Variants in LRRC53 observed in about 807,000 individuals in gnomAD.
The protein encoded by LRRC53 is leucine rich repeat containing 53.
Under a neutral mutation model 13.6 loss-of-function variants are expected in LRRC53, and 25 were observed. The ratio of observed to expected loss-of-function variants is 1.83; its 90% CI spans 1.34 to 2.56. The LOEUF (loss-of-function observed/expected upper bound fraction) is 2.56, where lower values mean the gene tolerates loss of function less well. Among genes scored for constraint, LRRC53 ranks in the 30% most tolerant of loss-of-function variants. The probability of loss-of-function intolerance (pLI) is 0.00; values close to 1 mark genes in which losing one functional copy is unlikely to be tolerated. For missense variants in LRRC53, 527 were observed against 275.8 expected, an observed-to-expected ratio of 1.91 and a Z score of -6.45; for synonymous variants, 204 against 109.8, an observed-to-expected ratio of 1.86 and a Z score of -5.37.
At chr1:74,492,902 G>C (rs570395432) in intron 1 of LRRC53, among the ~76,000 whole-genome samples, 1 of 152,310 alleles carries the variant, frequency 6.6e-6, no homozygotes, top group South Asian at 2.1e-4. Flanking sequence ...CAGCATGGTT[G>C]AGGTTCTGGT....
At position 74,480,674 on chromosome 1, in the gene LRRC53, C is replaced by A. The variant is rs866742622; in HGVS notation, c.383G>T (p.Arg128Leu). The change falls in exon 3 of 5, where the codon CGA (arginine) becomes CTA (leucine). Residue 128 changes from arginine to leucine, a missense_variant. Transcript: ENST00000294635. ...GAGCCGGGTCAGGCCGCTTGTGTTT[C>A]GGAACCAAGACCCTCGTAGGGTGCG... is the stretch of plus-strand genomic sequence containing the variant. Reference protein sequence around the residue: ...ALRTLRGSWFRNTSGLTRLQL... With the variant: ...ALRTLRGSWFLNTSGLTRLQL... 1 of 717,312 alleles carries A rather than the reference C, an allele frequency of 1.4e-6. No individual in the cohort carries two copies. The highest frequency in any genetic ancestry group is 2.6e-6 in the Non-Finnish European group (1 of 385,086). The allele number at this position is 717,312 out of a possible 1,614,324, so 44.4% of individuals were successfully genotyped here.
At chr1:74,487,498 G>A (rs186895342) in intron 1 of LRRC53, among the ~76,000 whole-genome samples, 1 of 152,168 alleles carries the variant, frequency 6.6e-6, no homozygotes, top group Admixed American at 6.5e-5. Flanking sequence ...GTGAGACCAG[G>A]CAGAATGGAT....
At chr1:74,524,665 A>ATAG in the LRRC53 span, among the ~76,000 whole-genome samples, 3 of 50,206 alleles carry the variant, frequency 6.0e-5, no homozygotes, top group Admixed American at 8.8e-4. Context: ...TTCTGGAGAT[A>ATAG]CAGCAGCAAA....
chr1:74,492,226 T>C (rs1669116735), intron 1 of LRRC53: 1 of 1,612,510 alleles, frequency 6.2e-7, no homozygotes, highest in East Asian at 2.2e-5. Flanking sequence ...CGAATTGGAA[T>C]ATGCTCTAAA....
chr1:74,480,690 G>A lies in LRRC53; in HGVS notation c.367C>T (p.Arg123Ter), dbSNP rs757727658. ...CTTGTGTTTCGGAACCAAGACCCTC[G>A]TAGGGTGCGGAGAGCATTATTGCTC... ...VLSNNALRTLRGSWFRNTSGL... is the reference protein window; with the variant it reads ...VLSNNALRTL Residue 123 changes from arginine (R) to a stop codon, truncating the protein, a stop_gained, in exon 3 of 5, where the codon CGA becomes TGA. Coordinates refer to ENST00000294635, the MANE Select transcript of LRRC53 (RefSeq NM_001382280.1). LOFTEE classifies it high-confidence loss of function. The A allele has an allele frequency of 1.2e-4, 85 of 717,222 alleles. 1 individual carries two copies. The highest frequency in any genetic ancestry group is 3.0e-5 in the South Asian group (2 of 67,596). The allele number at this position is 717,222 out of a possible 1,614,324, so 44.4% of individuals were successfully genotyped here.
chr1:74,513,600 G>C (rs1476516410), upstream of LRRC53, among the ~76,000 whole-genome samples: 1 of 152,138 alleles, frequency 6.6e-6, no homozygotes, highest in African/African-American at 2.4e-5. Context: ...GGCAGCTGGC[G>C]CTACTATGTG....
chr1:74,480,819 G>A lies in LRRC53; in HGVS notation c.238C>T (p.Leu80Phe), dbSNP rs370450917. Residue 80 changes from leucine to phenylalanine, a missense_variant, in exon 3 of 5, where the codon CTT (leucine) becomes TTT (phenylalanine). By Grantham distance (22) the Leu-to-Phe change is conservative (BLOSUM62 0). Coordinates refer to ENST00000294635, the MANE Select transcript of LRRC53 (RefSeq NM_001382280.1). Reference protein sequence around the residue: ...EDVQEDALHGLTMLRTLLLEH... With the variant: ...EDVQEDALHGFTMLRTLLLEH... ...AGCAACAAGGTCCGCAACATCGTAA[G>A]CCCATGCAGGGCATCTTCCTGAACA... 9 of 717,582 alleles carry A rather than the reference G, an allele frequency of 1.3e-5. No individual in the cohort carries two copies. Among genetic ancestry groups the A allele is most frequent in the African/African-American group, 3.5e-5 (2 of 57,386 alleles). 44.5% of individuals were successfully genotyped at this position (717,582 alleles called of 1,614,324 possible).
intron 1 of LRRC53, among the ~76,000 whole-genome samples, chr1:74,505,924 T>C (rs1028868173): frequency 6.6e-6 from 1 of 152,186 alleles, no homozygotes; most frequent in South Asian, 2.1e-4. Flanking sequence ...TACAAAAAAT[T>C]TACTAGTGGA....
chr1:74,508,309 G>C (rs1294204104), intron 1 of LRRC53, among the ~76,000 whole-genome samples: 2 of 152,202 alleles, frequency 1.3e-5, no homozygotes. Flanking sequence ...CATCATAAGT[G>C]TAACCATACT....
chr1:74,475,061 T>C (rs74093596), intron 4 of LRRC53, among the ~76,000 whole-genome samples: 36 of 150,062 alleles, frequency 2.4e-4, no homozygotes, highest in African/African-American at 8.8e-4. Flanking sequence ...CTTTTAGCAG[T>C]CAGGAGATGC....
chr1:74,499,248 C>G (rs1022952708), intron 1 of LRRC53, among the ~76,000 whole-genome samples: 4 of 152,186 alleles, frequency 2.6e-5, no homozygotes, highest in Admixed American at 2.6e-4. Flanking sequence ...CTCAAGCAAT[C>G]CTCCTGCCTG....
intron 4 of LRRC53, 56 bp from the exon 5 acceptor site, chr1:74,472,257 C>G (rs2100740227): frequency 1.4e-6 from 1 of 705,820 alleles, no homozygotes; most frequent in East Asian, 2.7e-5. Context: ...TTACCCCAAC[C>G]AAACAGATGC....
intron 1 of LRRC53, among the ~76,000 whole-genome samples, chr1:74,511,594 T>C (rs1557618148): frequency 2.0e-5 from 3 of 152,128 alleles, no homozygotes; most frequent in Admixed American, 6.5e-5. Context: ...AGCTCTTATA[T>C]ATTGAATCAT....
At chr1:74,527,882 G>A in the LRRC53 span, among the ~76,000 whole-genome samples, 2 of 152,224 alleles carry the variant, frequency 1.3e-5, no homozygotes, top group Admixed American at 1.3e-4. Context: ...GAATGTCTAT[G>A]TGGTGGATGG....
Position 74,469,791 on chromosome 1 carries a change from C to G in LRRC53, c.*87G>C, listed in dbSNP as rs79673520. The stretch of plus-strand genomic sequence containing the variant: ...TGTTGTCCTCCAAAATGATCCACTT[C>G]TAATGCATGCAAAGGCTAGTGGGTG... On this transcript the variant is annotated 3_prime_UTR_variant, in exon 5 of 5. Transcript: ENST00000294635. 2,918 of 398,426 alleles carry G rather than the reference C, an allele frequency of 7.3e-3. 79 individuals carry two copies. The highest frequency in any genetic ancestry group is 0.055 in the African/African-American group (2,672 of 48,760). The allele number at this position is 398,426 out of a possible 1,614,324, so 24.7% of individuals were successfully genotyped here. A position where few individuals can be genotyped will look rare whatever the true frequency, so the allele number is the denominator to read the frequency against.
intron 1 of LRRC53, among the ~76,000 whole-genome samples, chr1:74,493,328 G>A (rs543462341): frequency 6.9e-4 from 105 of 152,306 alleles, no homozygotes; most frequent in African/African-American, 2.4e-3. Flanking sequence ...CCACTGAGTT[G>A]CTAGTTTTAA....
chr1:74,508,383 T>C (rs1005876018), intron 1 of LRRC53, among the ~76,000 whole-genome samples: 2 of 152,226 alleles, frequency 1.3e-5, no homozygotes, highest in East Asian at 1.9e-4. Flanking sequence ...CATTTAATCT[T>C]CATAAAAATA....
intron 1 of LRRC53, among the ~76,000 whole-genome samples, chr1:74,501,793 G>C (rs1339792421): frequency 2.0e-5 from 3 of 151,982 alleles, no homozygotes; most frequent in Non-Finnish European, 2.9e-5. Context: ...GGCCAACTTG[G>C]AGTTTTTCAT....
At chr1:74,528,907 A>G in the LRRC53 span, among the ~76,000 whole-genome samples, 1 of 152,230 alleles carries the variant, frequency 6.6e-6, no homozygotes, top group African/African-American at 2.4e-5. Context: ...AAGGTACAAA[A>G]CAAGAAAATA....
Sources: gnomAD v4.1 joint callset for allele counts (sites outside exome capture counted in the v4.1 genomes callset) on GRCh38, gnomAD v4.1.1 for gene constraint, MANE v1.5 for transcripts, NCBI Gene and HGNC (gene_info 2026-07-23, HGNC 2026-07-21) for gene names.